Variants in NRP1 observed in about 807,000 individuals in gnomAD.
The protein encoded by NRP1 is neuropilin-1.
A neutral mutation model predicts 106.7 loss-of-function variants in NRP1; 35 were observed. That is an observed-to-expected ratio of 0.33 (90% CI 0.25 to 0.43). NRP1 has a LOEUF of 0.43. Among genes scored for constraint, NRP1 ranks in the 20% least tolerant of loss-of-function variants. NRP1 has a pLI of 1.00. For synonymous variants in NRP1, 437 were observed against 417.9 expected, an observed-to-expected ratio of 1.05 and a Z score of -0.56; for missense variants, 1,024 against 1,170.4, an observed-to-expected ratio of 0.87 and a Z score of 1.83.
chr10:33,309,748 C>T (rs1846436535), intron 2 of NRP1, among the ~76,000 whole-genome samples: 1 of 152,186 alleles, frequency 6.6e-6, no homozygotes, highest in Non-Finnish European at 1.5e-5. Flanking sequence ...TTTCTCGAGA[C>T]ATTTATTTCT....
chr10:33,217,965 T>C (rs570577935), intron 8 of NRP1, among the ~76,000 whole-genome samples: 76 of 152,208 alleles, frequency 5.0e-4, no homozygotes, highest in Non-Finnish European at 9.1e-4. Flanking sequence ...ATAACTGCAT[T>C]CGATGGGAGA....
At chr10:33,316,882 C>T (rs1847077475) in intron 2 of NRP1, among the ~76,000 whole-genome samples, 2 of 152,226 alleles carry the variant, frequency 1.3e-5, no homozygotes, top group Admixed American at 1.3e-4. Context: ...GTTATGCTGT[C>T]ATGCTGAAGA....
intron 6 of NRP1, among the ~76,000 whole-genome samples, chr10:33,243,933 TTGTGTGTGTGTG>T (rs112554908): frequency 7.1e-5 from 10 of 141,358 alleles, no homozygotes; most frequent in African/African-American, 2.4e-4. Flanking sequence ...GGGTAGAGGT[TTGTGTGTGTGTG>T]TGTGTGTGTG....
At chr10:33,234,752 T>A (rs984547505) in intron 6 of NRP1, among the ~76,000 whole-genome samples, 5 of 152,202 alleles carry the variant, frequency 3.3e-5, no homozygotes, top group Admixed American at 6.5e-5. Flanking sequence ...CCTTTTTCCA[T>A]AGTTAAATTA....
chr10:33,290,586 T>C (rs1332298585), intron 2 of NRP1, among the ~76,000 whole-genome samples: 1 of 152,224 alleles, frequency 6.6e-6, no homozygotes, highest in Admixed American at 6.5e-5. Flanking sequence ...TGAAAGACCC[T>C]GTATTCTGTG....
chr10:33,227,894 A>G (rs1375511606), intron 6 of NRP1, among the ~76,000 whole-genome samples: 3 of 152,140 alleles, frequency 2.0e-5, no homozygotes, highest in Non-Finnish European at 4.4e-5. Flanking sequence ...ATAACTTGGA[A>G]GACTCTTTTC....
intron 7 of NRP1, among the ~76,000 whole-genome samples, chr10:33,222,121 G>T (rs577637772): frequency 6.6e-6 from 1 of 152,270 alleles, no homozygotes; most frequent in East Asian, 1.9e-4. Flanking sequence ...GGATAATATT[G>T]ATTAAAGAAC....
intron 2 of NRP1, among the ~76,000 whole-genome samples, chr10:33,289,652 G>A (rs980685988): frequency 6.6e-6 from 1 of 152,180 alleles, no homozygotes; most frequent in African/African-American, 2.4e-5. Flanking sequence ...ATTAGCGTGT[G>A]TTAGATACAC....
chr10:33,318,447 G>A lies in NRP1; in HGVS notation c.248+12261C>T, dbSNP rs7085270. 7.4e-3 allele frequency among the ~76,000 whole-genome samples: 1,133 copies of A among 152,130 alleles called. 32 individuals are homozygous for A. The East Asian group carries it at 0.096, about 13-fold the overall frequency. ...TGACAATCCAAAATCCCCAGCTTGC[G>A]TGAATGAACTAACAGACACATCAGT... On this transcript the variant is annotated intron_variant, in intron 2 of 16. Transcript: ENST00000374867.
intron 11 of NRP1, chr10:33,202,554 G>A (rs1588711642): frequency 7.1e-7 from 1 of 1,405,388 alleles, no homozygotes; most frequent in East Asian, 2.6e-5. Context: ...CGTAGGGGTG[G>A]TGCACGTGTT....
intron 7 of NRP1, among the ~76,000 whole-genome samples, chr10:33,224,328 C>A (rs1339066360): frequency 6.6e-6 from 1 of 152,088 alleles, no homozygotes; most frequent in African/African-American, 2.4e-5. Context: ...GACAGCCCCC[C>A]TCTTCTGGGC....
chr10:33,306,605 A>G (rs1007845264), intron 2 of NRP1, among the ~76,000 whole-genome samples: 1 of 48,062 alleles, frequency 2.1e-5, no homozygotes, highest in African/African-American at 4.8e-5. Context: ...TTATTTCAGA[A>G]ATTATGGTTG....
intron 4 of NRP1, among the ~76,000 whole-genome samples, chr10:33,258,690 T>A (rs1353033423): frequency 6.6e-6 from 1 of 152,222 alleles, no homozygotes; most frequent in African/African-American, 2.4e-5. Flanking sequence ...CTACAGGTAG[T>A]GGTTCTTTGC....
intron 6 of NRP1, chr10:33,249,693 C>T (rs11009323): frequency 0.25 from 85,910 of 347,326 alleles, 11,847 homozygotes; most frequent in East Asian, 0.54. Context: ...AACTCTGCCA[C>T]TGACAATGAG....
chr10:33,256,393 A>C lies in NRP1; in HGVS notation c.737T>G (p.Val246Gly). The change falls in exon 5 of 17, where the codon GTT (valine) becomes GGT (glycine). Residue 246 changes from valine to glycine, a missense_variant. Physicochemically the swap from Val to Gly is moderately radical, Grantham distance 109. Transcript: ENST00000374867. ...TGCTATCGCGCTGTCGGTGTAAAAA[A>C]CCATGGAGAGAATGCCCGATGAGGA... ...IRSSSGILSM[V>G]FYTDSAIAKE... 1 of 1,614,188 alleles carries C rather than the reference A, an allele frequency of 6.2e-7. No individual in the cohort carries two copies. Among genetic ancestry groups the C allele is most frequent in the Non-Finnish European group, 8.5e-7 (1 of 1,180,040 alleles).
At chr10:33,215,138 A>G (rs141837519) in intron 8 of NRP1, among the ~76,000 whole-genome samples, 214 of 152,310 alleles carry the variant, frequency 1.4e-3, no homozygotes, top group African/African-American at 4.8e-3. Context: ...ACTTCATCCC[A>G]TTTGCCTAAT....
intron 11 of NRP1, among the ~76,000 whole-genome samples, chr10:33,198,204 C>G (rs1836945433): frequency 1.4e-5 from 2 of 147,872 alleles, no homozygotes; most frequent in South Asian, 4.3e-4. Context: ...TGCAGTGGCA[C>G]AATCTCGGCT....
chr10:33,279,383 T>C (rs1483319422), intron 2 of NRP1, among the ~76,000 whole-genome samples: 1 of 152,228 alleles, frequency 6.6e-6, no homozygotes, highest in Non-Finnish European at 1.5e-5. Flanking sequence ...TTCTTGCAGC[T>C]GCAGGGCTGA....
intron 15 of NRP1, among the ~76,000 whole-genome samples, chr10:33,183,363 G>A (rs946770502): frequency 5.3e-5 from 8 of 151,796 alleles, no homozygotes; most frequent in Admixed American, 1.3e-4. Flanking sequence ...AGAGAAGGGG[G>A]AAGAGACATG....
Sources: gnomAD v4.1 joint callset for allele counts (sites outside exome capture counted in the v4.1 genomes callset) on GRCh38, gnomAD v4.1.1 for gene constraint, MANE v1.5 for transcripts, NCBI Gene and HGNC (gene_info 2026-07-23, HGNC 2026-07-21) for gene names.